The following IPPK variants were observed in gnomAD, a reference collection of about 807,000 sequenced individuals.
IPPK encodes the protein IPK1 homolog.
In IPPK, 22 loss-of-function variants were observed where a neutral mutation model predicts 64.6. The observed-to-expected ratio is 0.34, with a 90% CI of 0.24 to 0.49. The LOEUF is 0.49. Among genes scored for constraint, IPPK ranks in the 20% least tolerant of loss-of-function variants. The probability of loss-of-function intolerance (pLI) is 0.99; values close to 1 mark genes in which losing one functional copy is unlikely to be tolerated. For synonymous variants in IPPK, 262 were observed against 247.2 expected, an observed-to-expected ratio of 1.06 and a Z score of -0.56; for missense variants, 532 against 630.7, an observed-to-expected ratio of 0.84 and a Z score of 1.68.
At chr9:92,669,109 C>T (rs1852667744) in intron 1 of IPPK, among the ~76,000 whole-genome samples, 1 of 152,182 alleles carries the variant, frequency 6.6e-6, no homozygotes, top group African/African-American at 2.4e-5. Context: ...ACTGAGATTC[C>T]TGTGCCTTTA....
In IPPK at chr9:92,616,007, G is replaced by A; in HGVS notation, c.1301C>T (p.Ser434Phe). 6.2e-7 allele frequency: 1 copy of A among 1,614,192 alleles called. No individual in the cohort carries two copies. The highest frequency in any genetic ancestry group is 8.5e-7 in the Non-Finnish European group (1 of 1,180,032). ...GAGGTCAAGGTCCAGCACAGACACG[G>A]AAAAGGCAAACCTGGACCTCGATGA... ...VPSSRSRFAFSVSVLDLDLKP... is the reference protein window; with the variant it reads ...VPSSRSRFAFFVSVLDLDLKP... The change falls in exon 13 of 13, where the codon TCC becomes TTC. Residue 434 changes from serine to phenylalanine, a missense_variant. Transcript: ENST00000287996.
chr9:92,652,560 T>TA lies in IPPK; in HGVS notation c.292+12dup. ...TAAATTACAAACAATATCTGTAAGT[T>TA]AAACACCCTTACCTGGTCTTTCAGA... On this transcript the variant is annotated intron_variant, in intron 4 of 12. Transcript: ENST00000287996. 6.9e-7 allele frequency: 1 copy of TA among 1,454,110 alleles called. No homozygotes were observed. The highest frequency in any genetic ancestry group is 1.9e-5 in the Admixed American group (1 of 52,288). 90.1% of individuals were successfully genotyped at this position (1,454,110 alleles called of 1,614,324 possible). A position where few individuals can be genotyped will look rare whatever the true frequency, so the allele number is the denominator to read the frequency against.
chr9:92,619,204 T>C lies in IPPK; in HGVS notation c.1250+282A>G, dbSNP rs78167423. The C allele has an allele frequency of 8.5e-3, 3,209 of 376,146 alleles. 89 individuals are homozygous for C. Among genetic ancestry groups the C allele is most frequent in the East Asian group, 0.069 (1,429 of 20,566 alleles). The allele number at this position is 376,146 out of a possible 1,614,324, so 23.3% of individuals were successfully genotyped here. ...TGCAATGGGCAGCTCACTGTCCACA[T>C]TGTTTCTGAGCTCTTGGGAGTATTT... is the stretch of plus-strand genomic sequence containing the variant. On this transcript the variant is annotated intron_variant, in intron 12 of 12. Transcript: ENST00000287996.
chr9:92,627,929 A>AG (rs1851763666), intron 11 of IPPK, among the ~76,000 whole-genome samples: 1 of 152,236 alleles, frequency 6.6e-6, no homozygotes, highest in African/African-American at 2.4e-5. Context: ...ACATGATCTT[A>AG]AATAGAGAGA....
chr9:92,619,940 G>A (rs1851574239), intron 11 of IPPK: 1 of 278,444 alleles, frequency 3.6e-6, no homozygotes, highest in African/African-American at 2.1e-5. Context: ...AGAGTATCAA[G>A]TGAGTATCAC....
chr9:92,633,509 C>T (rs956519061), intron 11 of IPPK, among the ~76,000 whole-genome samples: 28 of 152,242 alleles, frequency 1.8e-4, no homozygotes, highest in Admixed American at 6.5e-4. Flanking sequence ...TCTAGGCACA[C>T]GCCACTACGT....
chr9:92,625,593 T>A (rs1270851237), intron 11 of IPPK, among the ~76,000 whole-genome samples: 1 of 152,142 alleles, frequency 6.6e-6, no homozygotes, highest in Non-Finnish European at 1.5e-5. Flanking sequence ...TGGGCTTGCA[T>A]AAGGTAAGGA....
At position 92,615,973 on chromosome 9, in the gene IPPK, G is replaced by A. The variant is rs375593586; in HGVS notation, c.1335C>T (p.Tyr445=). The change falls in exon 13 of 13, where the codon TAC becomes TAT. Residue 445 remains tyrosine, a synonymous_variant. Transcript: ENST00000287996. Reference sequence around the variant, plus strand: ...GTTTATACTGATGGGGAATGCTCTCGTAGGGCTTGAGGTCAAGGTCCAGCA... The same window carrying A: ...GTTTATACTGATGGGGAATGCTCTCATAGGGCTTGAGGTCAAGGTCCAGCA... The part of the protein sequence containing the change: ...VSVLDLDLKP[Y]ESIPHQYKLD... 7.3e-5 allele frequency: 118 copies of A among 1,614,062 alleles called. No homozygotes were observed. In the East Asian group the frequency reaches 9.1e-4, roughly 12 times the overall value.
intron 4 of IPPK, among the ~76,000 whole-genome samples, chr9:92,649,882 C>T (rs1258537299): frequency 2.6e-5 from 4 of 151,902 alleles, no homozygotes; most frequent in African/African-American, 4.8e-5. Context: ...AAAAATTAGC[C>T]AGGCATGGTG....
intron 3 of IPPK, among the ~76,000 whole-genome samples, chr9:92,655,634 C>T (rs765938396): frequency 5.9e-5 from 9 of 152,152 alleles, no homozygotes; most frequent in South Asian, 2.1e-4. Context: ...CATCACCACA[C>T]GAGTCCTCCT....
intron 10 of IPPK, among the ~76,000 whole-genome samples, 185 bp from the exon 11 acceptor site, chr9:92,634,673 AC>A (rs1393750167): frequency 1.3e-5 from 2 of 152,198 alleles, no homozygotes; most frequent in African/African-American, 2.4e-5. Flanking sequence ...CAAGACCAGA[AC>A]CAGCGAGCCT....
chr9:92,639,239 G>A (rs1852002336), intron 8 of IPPK, among the ~76,000 whole-genome samples: 1 of 152,032 alleles, frequency 6.6e-6, no homozygotes, highest in African/African-American at 2.4e-5. Context: ...TGTAGAGACA[G>A]GGTTTTGCTA....
chr9:92,631,288 C>T lies in IPPK; in HGVS notation c.1170+3098G>A, dbSNP rs180764305. Among the ~76,000 whole-genome samples the T allele has an allele frequency of 2.0e-4, 31 of 151,698 alleles. No homozygotes were observed. The East Asian group carries it at 5.2e-3, about 26-fold the overall frequency. ...TTGGCTCACTGCAGCCTCCACCTCC[C>T]GGGTTCAAGCGATTCTCCTGCCTCA... On this transcript the variant is annotated intron_variant, in intron 11 of 12. Coordinates refer to ENST00000287996, the MANE Select transcript of IPPK (RefSeq NM_022755.6).
intron 3 of IPPK, among the ~76,000 whole-genome samples, chr9:92,654,893 G>A (rs1428683951): frequency 6.6e-6 from 1 of 152,374 alleles, no homozygotes; most frequent in South Asian, 2.1e-4. Context: ...ACGGAGCTGA[G>A]GCTGGCGCCA....
chr9:92,638,098 C>A lies in IPPK; in HGVS notation c.819G>T (p.Ser273=). Residue 273 remains serine (S), a synonymous_variant, in exon 9 of 13, where the codon TCG becomes TCT. Coordinates refer to ENST00000287996, the MANE Select transcript of IPPK (RefSeq NM_022755.6). Reference sequence around the variant, plus strand: ...TCAGGGTGCCTGCCCGGCCCTTGTCCGAGCCACTCAGCAGCACCCGTGTGA... The same window carrying A: ...TCAGGGTGCCTGCCCGGCCCTTGTCAGAGCCACTCAGCAGCACCCGTGTGA... ...HVITRVLLSG[S]DKGRAGTLSP... is the part of the protein sequence containing the mutation. 2 of 1,613,820 alleles carry A rather than the reference C, an allele frequency of 1.2e-6. No individual in the cohort carries two copies. Among genetic ancestry groups the A allele is most frequent in the South Asian group, 2.2e-5 (2 of 91,080 alleles).
intron 3 of IPPK, among the ~76,000 whole-genome samples, chr9:92,656,152 A>C (rs2131457205): frequency 6.6e-6 from 1 of 152,296 alleles, no homozygotes; most frequent in South Asian, 2.1e-4. Context: ...GGCAGAGAGC[A>C]ATGCCATTGC....
intron 1 of IPPK, among the ~76,000 whole-genome samples, chr9:92,662,987 G>C (rs1458463881): frequency 6.6e-6 from 1 of 152,144 alleles, no homozygotes. Context: ...AAGACTTTCG[G>C]CAAAGCCCAC....
chr9:92,663,798 G>T (rs1371918644), intron 1 of IPPK, among the ~76,000 whole-genome samples: 1 of 152,236 alleles, frequency 6.6e-6, no homozygotes, highest in Admixed American at 6.5e-5. Context: ...CTGTTCCAGA[G>T]ATCTGTCAAA....
At chr9:92,639,481 A>G (rs1044287635) in intron 8 of IPPK, among the ~76,000 whole-genome samples, 2 of 152,178 alleles carry the variant, frequency 1.3e-5, no homozygotes, top group African/African-American at 4.8e-5. Context: ...GTTATCTTAA[A>G]ATCATTCTGC....
Sources: allele counts gnomAD v4.1 joint callset (sites outside exome capture counted in the v4.1 genomes callset), GRCh38; gene constraint gnomAD v4.1.1; transcripts MANE v1.5; gene names NCBI Gene and HGNC (gene_info 2026-07-23, HGNC 2026-07-21).